ATP2B3: variants seen among roughly 807,000 people sequenced by gnomAD.
ATP2B3 encodes the protein plasma membrane calcium-transporting ATPase 3.
In ATP2B3, 12 loss-of-function variants were observed where a neutral mutation model predicts 70.8. That is an observed-to-expected ratio of 0.17 (90% confidence interval 0.11 to 0.27). The LOEUF is 0.27. Ranked by LOEUF, ATP2B3 falls within the 10% of genes least tolerant of loss-of-function variation. The pLI is 1.00. For synonymous variants in ATP2B3, 460 were observed against 497.8 expected (o/e 0.92, Z 1.01); for missense variants, 858 against 1,118.5 (o/e 0.77, Z 3.32).
At chrX:153,547,730 G>C (rs1466506477) in intron 8 of ATP2B3, 105 bp from the exon 9 acceptor site, 3 of 955,948 alleles carry the variant, frequency 3.1e-6, no homozygotes, top group Non-Finnish European at 4.2e-6. Flanking sequence ...ACTGAATCCC[G>C]TCTCCTCTCT....
chrX:153,546,841 G>A (rs2090375182), intron 8 of ATP2B3, among the ~76,000 whole-genome samples: 2 of 113,133 alleles, frequency 1.8e-5, no homozygotes, highest in African/African-American at 6.4e-5. Flanking sequence ...GTTTGGGAGG[G>A]CAGTGGGGGG....
chrX:153,574,649 T>C (rs2090832493), intron 21 of ATP2B3: 1 of 266,593 alleles, frequency 3.8e-6, no homozygotes, highest in Non-Finnish European at 7.4e-6. Flanking sequence ...ATTGTTCTCT[T>C]TTCCTTTCCT....
intron 2 of ATP2B3, among the ~76,000 whole-genome samples, chrX:153,534,124 T>A (rs781816045): frequency 9.1e-6 from 1 of 110,425 alleles, no homozygotes; most frequent in Non-Finnish European, 1.9e-5. Context: ...AGGCATGAGG[T>A]GACTGGAGCT....
intron 12 of ATP2B3, among the ~76,000 whole-genome samples, chrX:153,551,398 C>G (rs1226598696): frequency 3.6e-5 from 4 of 112,096 alleles, no homozygotes; most frequent in Non-Finnish European, 7.5e-5. Flanking sequence ...GCCCTTTGCT[C>G]ATTGCTGAGT....
Position 153,550,228 on chromosome X carries a change from A to G in ATP2B3, c.1765A>G (p.Met589Val). 8.3e-7 allele frequency: 1 copy of G among 1,212,075 alleles called. No individual in the cohort carries two copies. The highest frequency in any genetic ancestry group is 1.1e-6 in the Non-Finnish European group (1 of 895,269). ...CAAGTCCATGAGCACAGTCATCCGC[A>G]TGCCCGACGGTGGCTTCCGCCTCTT... ...VRKSMSTVIR[M>V]PDGGFRLFSK... The change falls in exon 12 of 22, where the codon ATG becomes GTG. Residue 589 changes from methionine (M) to valine (V), a missense_variant. This residue lies in a region of ATP2B3 where 242 missense variants were observed against 281.3 expected (regional missense o/e 0.86). Transcript: ENST00000263519.
intron 21 of ATP2B3, chrX:153,569,690 G>T: frequency 8.3e-7 from 1 of 1,211,332 alleles, no homozygotes; most frequent in Non-Finnish European, 1.1e-6. Flanking sequence ...GCTTCATGAC[G>T]TAACCAATCT....
chrX:153,550,032 C>T lies in ATP2B3; in HGVS notation c.1582-13C>T, dbSNP rs782100027. On this transcript the variant is annotated splice_polypyrimidine_tract_variant and intron_variant, in intron 11 of 21. Transcript: ENST00000263519. ...CAGGCCCCCAGTGCCTGCTAGCCCT[C>T]GTCATCTTGCAGCCTCCTGAGAAGG... 77 of 1,205,084 alleles carry T rather than the reference C, an allele frequency of 6.4e-5. No homozygotes were observed. The highest frequency in any genetic ancestry group is 7.5e-5 in the Non-Finnish European group (67 of 891,177).
At chrX:153,560,067 C>T in intron 18 of ATP2B3, 125 bp downstream of exon 18, 1 of 712,341 alleles carries the variant, frequency 1.4e-6, no homozygotes, top group Non-Finnish European at 2.1e-6. Flanking sequence ...CGCTGCACTT[C>T]CTGACTGGAC....
At chrX:153,521,017 G>A (rs1326932683) in intron 2 of ATP2B3, among the ~76,000 whole-genome samples, 1 of 113,090 alleles carries the variant, frequency 8.8e-6, no homozygotes, top group Non-Finnish European at 1.9e-5. Flanking sequence ...CCCCTTCAGG[G>A]CACCCGGAAG....
chrX:153,561,139 C>T (rs1222154031), intron 19 of ATP2B3, among the ~76,000 whole-genome samples: 4 of 112,256 alleles, frequency 3.6e-5, no homozygotes, highest in Non-Finnish European at 7.5e-5. Context: ...GAGCCCTCAT[C>T]GGAACGAAGT....
chrX:153,567,495 T>C (rs2090725692), intron 21 of ATP2B3, among the ~76,000 whole-genome samples: 1 of 112,738 alleles, frequency 8.9e-6, no homozygotes, highest in Admixed American at 9.3e-5. Context: ...CCCACTTCAC[T>C]CCTGCCGCCG....
At chrX:153,561,204 C>T (rs1349802187) in intron 19 of ATP2B3, among the ~76,000 whole-genome samples, 12 of 111,880 alleles carry the variant, frequency 1.1e-4, no homozygotes, top group African/African-American at 3.9e-4. Context: ...TCTGCCATTC[C>T]CATTTCTAGC....
At chrX:153,544,912 C>T (rs1207268764) in intron 7 of ATP2B3, among the ~76,000 whole-genome samples, 2 of 112,894 alleles carry the variant, frequency 1.8e-5, no homozygotes, top group African/African-American at 6.4e-5. Flanking sequence ...AGAGTCCATG[C>T]TTCCTTCGGG....
In ATP2B3 at chrX:153,540,994, TCC is replaced by T. The variant is rs374640128; in HGVS notation, c.209-362_209-361del. On this transcript the variant is annotated intron_variant, in intron 3 of 21. Transcript: ENST00000263519. ...CTCTGTGCCCCCTTGTTGGGTCCTG[TCC>T]CCTGCCTTCCAGTGCCCCCTCAGCG... Among the ~76,000 whole-genome samples the T allele has an allele frequency of 8.2e-3, 921 of 112,466 alleles. 8 individuals are homozygous for T. The highest frequency in any genetic ancestry group is 0.028 in the African/African-American group (864 of 30,973).
At chrX:153,576,170 G>A (rs2090854960) in intron 21 of ATP2B3, among the ~76,000 whole-genome samples, 1 of 111,737 alleles carries the variant, frequency 8.9e-6, no homozygotes, top group South Asian at 3.8e-4. Flanking sequence ...GAGCCAGATG[G>A]GGGACCAAGA....
chrX:153,527,730 C>T (rs951091347), intron 2 of ATP2B3, among the ~76,000 whole-genome samples: 6 of 112,500 alleles, frequency 5.3e-5, no homozygotes, highest in Non-Finnish European at 1.1e-4. Flanking sequence ...CACATGGGTT[C>T]AGCCCCCGGC....
intron 2 of ATP2B3, among the ~76,000 whole-genome samples, chrX:153,528,867 G>A (rs782401163): frequency 8.9e-6 from 1 of 112,499 alleles, no homozygotes; most frequent in African/African-American, 3.2e-5. Context: ...CCTTGAATTC[G>A]TCCCTGTCAC....
intron 21 of ATP2B3, among the ~76,000 whole-genome samples, chrX:153,574,508 C>T (rs782093949): frequency 9.0e-6 from 1 of 111,540 alleles, no homozygotes; most frequent in Non-Finnish European, 1.9e-5. Context: ...CCCCTCGGGT[C>T]GGCTGGTGCC....
chrX:153,554,772 C>A (rs1366682320), intron 13 of ATP2B3, among the ~76,000 whole-genome samples: 1 of 112,545 alleles, frequency 8.9e-6, no homozygotes, highest in African/African-American at 3.2e-5. Flanking sequence ...GGGGCACTGG[C>A]AACTTCTCCA....
Sources: allele counts gnomAD v4.1 joint callset (sites outside exome capture counted in the v4.1 genomes callset), GRCh38; gene constraint gnomAD v4.1.1; regional missense constraint gnomAD v4.1.1; transcripts MANE v1.5; gene names NCBI Gene and HGNC (gene_info 2026-07-23, HGNC 2026-07-21).